The following PAX5 variants were observed in gnomAD, a reference collection of about 807,000 sequenced individuals.
The protein encoded by PAX5 is paired box protein Pax-5.
A neutral mutation model predicts 43.7 loss-of-function variants in PAX5; 9 were observed. The ratio of observed to expected loss-of-function variants is 0.21; its 90% CI spans 0.12 to 0.36. PAX5 has a LOEUF of 0.36. Among genes scored for constraint, PAX5 ranks in the 10% least tolerant of loss-of-function variants. PAX5 has a pLI of 1.00. For missense variants in PAX5, 383 were observed against 532.7 expected (o/e 0.72, Z 2.77); for synonymous variants, 228 against 214.3 (o/e 1.06, Z -0.56).
chr9:36,910,561 G>A (rs923737957), intron 7 of PAX5, among the ~76,000 whole-genome samples: 2 of 152,094 alleles, frequency 1.3e-5, no homozygotes, highest in Non-Finnish European at 2.9e-5. Flanking sequence ...GCTGGACCTC[G>A]GGGGCACACG....
chr9:36,839,775 A>G lies in PAX5; in HGVS notation c.*785T>C. On this transcript the variant is annotated 3_prime_UTR_variant, in exon 10 of 10. Coordinates refer to ENST00000358127, the MANE Select transcript of PAX5 (RefSeq NM_016734.3). ...TCTGCTTCGGAAAAGTAGCTGAGGA[A>G]TCTCCCAGACAGTTTTCTTTGAGTT... 1 of 233,306 alleles carries G rather than the reference A, an allele frequency of 4.3e-6. No individual in the cohort carries two copies. The allele number at this position is 233,306 out of a possible 1,614,324, so 14.5% of individuals were successfully genotyped here. A position where few individuals can be genotyped will look rare whatever the true frequency, so the allele number is the denominator to read the frequency against.
chr9:36,865,485 T>C (rs1705190825), intron 8 of PAX5, among the ~76,000 whole-genome samples: 1 of 151,974 alleles, frequency 6.6e-6, no homozygotes, highest in Middle Eastern at 3.4e-3. Context: ...GACTCAGGGA[T>C]TGTCTGATGA....
At chr9:36,873,459 G>A (rs1247746752) in intron 8 of PAX5, among the ~76,000 whole-genome samples, 1 of 152,214 alleles carries the variant, frequency 6.6e-6, no homozygotes, top group Non-Finnish European at 1.5e-5. Context: ...AGAGTGACTG[G>A]AGGCCACCAG....
intron 5 of PAX5, among the ~76,000 whole-genome samples, chr9:36,969,811 A>G (rs1588112882): frequency 6.6e-6 from 1 of 152,040 alleles, no homozygotes; most frequent in Admixed American, 6.6e-5. Flanking sequence ...CCGGGCATTC[A>G]CCCTGTCCCG....
intron 5 of PAX5, among the ~76,000 whole-genome samples, chr9:36,991,108 C>CAA: frequency 7.0e-6 from 1 of 142,924 alleles, no homozygotes; most frequent in African/African-American, 2.6e-5. Flanking sequence ...GACCTTGTCT[C>CAA]AAAAAAAAAA....
chr9:37,033,873 G>T, intron 1 of PAX5, 113 bp downstream of exon 1: 1 of 834,094 alleles, frequency 1.2e-6, no homozygotes. Flanking sequence ...CAGTTAGACA[G>T]TCTCTACGAA....
At chr9:36,869,849 TG>T (rs1184059833) in intron 8 of PAX5, among the ~76,000 whole-genome samples, 90 of 147,766 alleles carry the variant, frequency 6.1e-4, no homozygotes, top group African/African-American at 2.3e-3. Flanking sequence ...GATGGATAAA[TG>T]GATGGATGGA....
intron 5 of PAX5, among the ~76,000 whole-genome samples, chr9:36,967,655 T>C (rs945074505): frequency 6.6e-6 from 1 of 152,218 alleles, no homozygotes; most frequent in African/African-American, 2.4e-5. Flanking sequence ...CGATGTGCAA[T>C]ATAAATCTCT....
In PAX5 at chr9:36,837,833, G is replaced by A. The variant is rs187748451; in HGVS notation, c.*2727C>T. ...AGGAACAGGATGGGGAGAGGGGGCC[G>A]CTGTGAGCCAGGTGGGCTTTGCCGA... is the stretch of plus-strand genomic sequence containing the variant. On this transcript the variant is annotated 3_prime_UTR_variant, in exon 10 of 10. Coordinates refer to ENST00000358127, the MANE Select transcript of PAX5 (RefSeq NM_016734.3). The A allele has an allele frequency of 3.4e-4, 80 of 233,476 alleles. No homozygotes were observed. Among genetic ancestry groups the A allele is most frequent in the African/African-American group, 1.6e-3 (75 of 45,472 alleles). 14.5% of individuals were successfully genotyped at this position (233,476 alleles called of 1,614,324 possible).
chr9:36,950,510 C>T (rs4880043), intron 6 of PAX5, among the ~76,000 whole-genome samples: 46,827 of 151,988 alleles, frequency 0.31, 8,344 homozygotes, highest in East Asian at 0.61. Flanking sequence ...GGCCTCACTG[C>T]CCACACCAGA....
At chr9:36,982,376 T>G (rs905318998) in intron 5 of PAX5, among the ~76,000 whole-genome samples, 8 of 152,266 alleles carry the variant, frequency 5.3e-5, no homozygotes, top group African/African-American at 1.9e-4. Context: ...CATTGATCTG[T>G]TGCTGGTGCT....
intron 6 of PAX5, 34 bp from the exon 7 acceptor site, chr9:36,923,518 G>T (rs1252122610): frequency 6.3e-7 from 1 of 1,592,042 alleles, no homozygotes; most frequent in Non-Finnish European, 8.5e-7. Flanking sequence ...TCAGCACCAA[G>T]ACTCCACAGT....
chr9:36,967,285 A>G (rs770172063), intron 5 of PAX5, among the ~76,000 whole-genome samples: 4 of 152,240 alleles, frequency 2.6e-5, no homozygotes, highest in Non-Finnish European at 4.4e-5. Flanking sequence ...CACCTGTGCT[A>G]GACAAGTCGA....
At chr9:36,942,801 G>A (rs781443216) in intron 6 of PAX5, among the ~76,000 whole-genome samples, 2 of 152,240 alleles carry the variant, frequency 1.3e-5, no homozygotes, top group Non-Finnish European at 2.9e-5. Flanking sequence ...TAGCAGAGGA[G>A]TTGCTAGAGG....
At chr9:36,995,149 C>T (rs1165091723) in intron 5 of PAX5, among the ~76,000 whole-genome samples, 1 of 152,232 alleles carries the variant, frequency 6.6e-6, no homozygotes, top group Non-Finnish European at 1.5e-5. Flanking sequence ...CAAAGCCACA[C>T]TGGGAAAAGG....
chr9:36,842,633 T>C (rs574752289), intron 9 of PAX5, among the ~76,000 whole-genome samples: 37 of 152,352 alleles, frequency 2.4e-4, no homozygotes, highest in African/African-American at 8.4e-4. Flanking sequence ...TCTTCTGTCA[T>C]TTTTCCTCTC....
In PAX5 at chr9:37,020,772, C is replaced by A. The variant is rs2132503670; in HGVS notation, c.76G>T (p.Val26Phe). The A allele has an allele frequency of 6.2e-7, 1 of 1,614,010 alleles. No individual in the cohort carries two copies. The highest frequency in any genetic ancestry group is 8.5e-7 in the Non-Finnish European group (1 of 1,179,962). The change falls in exon 2 of 10, where the codon GTT becomes TTT. Residue 26 changes from valine to phenylalanine, a missense_variant. This residue lies in a region of PAX5 where 54 missense variants were observed against 68.6 expected (regional missense o/e 0.79). Transcript: ENST00000358127. The part of the protein sequence containing the change: ...GHGGVNQLGG[V>F]FVNGRPLPDV... ...GGGAGTGGCCGTCCATTCACAAAAA[C>A]CCCCCCAAGCTGATTCACTCCTCCA...
intron 2 of PAX5, among the ~76,000 whole-genome samples, chr9:37,018,199 T>C (rs1380735460): frequency 6.6e-6 from 1 of 152,096 alleles, no homozygotes; most frequent in Non-Finnish European, 1.5e-5. Flanking sequence ...AAACATAAAA[T>C]AAAGAGCACG....
At chr9:37,032,265 T>G (rs923742165) in intron 1 of PAX5, among the ~76,000 whole-genome samples, 26 of 151,602 alleles carry the variant, frequency 1.7e-4, no homozygotes, top group African/African-American at 6.3e-4. Context: ...TCGACCGCCA[T>G]GAATTACATT....
Sources: allele counts gnomAD v4.1 joint callset (sites outside exome capture counted in the v4.1 genomes callset), GRCh38; gene constraint gnomAD v4.1.1; regional missense constraint gnomAD v4.1.1; transcripts MANE v1.5; gene names NCBI Gene and HGNC (gene_info 2026-07-23, HGNC 2026-07-21).